The following CHPT1 variants were observed in gnomAD, a reference collection of about 807,000 sequenced individuals.
CHPT1 encodes cholinephosphotransferase 1.
CHPT1 carries 36 observed loss-of-function variants against 47.6 expected under a neutral mutation model. The observed-to-expected ratio is 0.76, with a 90% CI of 0.58 to 1.00. The LOEUF (loss-of-function observed/expected upper bound fraction) is 1.00, where lower values mean the gene tolerates loss of function less well. Among genes scored for constraint, CHPT1 ranks in the 50% least tolerant of loss-of-function variants. The pLI, the probability that CHPT1 is intolerant of heterozygous loss-of-function variation, is 0.00. For missense variants in CHPT1, 458 were observed against 498.1 expected (o/e 0.92, Z 0.77); for synonymous variants, 194 against 186.3 (o/e 1.04, Z -0.33).
At chr12:101,720,093 CTTAA>C (rs745362952) in intron 4 of CHPT1, 26 bp from the exon 5 acceptor site, 27 of 1,529,562 alleles carry the variant, frequency 1.8e-5, no homozygotes, top group Middle Eastern at 2.1e-4. Flanking sequence ...ATTCTGTTGT[CTTAA>C]TTGTTTCTTT....
chr12:101,727,244 T>C (rs888020505), intron 8 of CHPT1: 2 of 152,168 alleles, frequency 1.3e-5, no homozygotes, highest in African/African-American at 4.8e-5. Context: ...AAAGTTTACT[T>C]TAAGTACACA....
At chr12:101,715,288 T>C (rs1951748428) in intron 3 of CHPT1, among the ~76,000 whole-genome samples, 2 of 152,168 alleles carry the variant, frequency 1.3e-5, no homozygotes, top group African/African-American at 2.4e-5. Flanking sequence ...AACTTTGTCA[T>C]TTGCTCATTT....
chr12:101,716,793 C>T lies in CHPT1; in HGVS notation c.629C>T (p.Ala210Val), dbSNP rs369936908. Residue 210 changes from alanine (A) to valine (V), a missense_variant, in exon 4 of 9, where the codon GCA becomes GTA. Physicochemically the swap from Ala to Val is moderately conservative, Grantham distance 64 (BLOSUM62 0). Coordinates refer to ENST00000229266, the MANE Select transcript of CHPT1 (RefSeq NM_020244.3). ...TTTGTGTTGTCTGCATTTGGAGGAG[C>T]AACAATGTGGGACTATACGGTAAAT... is the stretch of plus-strand genomic sequence containing the variant. Reference protein sequence around the residue: ...IVFVLSAFGGATMWDYTIPIL... With the variant: ...IVFVLSAFGGVTMWDYTIPIL... 2 of 1,603,682 alleles carry T rather than the reference C, an allele frequency of 1.2e-6. No homozygotes were observed. Among genetic ancestry groups the T allele is most frequent in the African/African-American group, 1.3e-5 (1 of 74,776 alleles).
intron 8 of CHPT1, chr12:101,727,342 C>CTAA (rs1951979922): frequency 6.6e-6 from 1 of 152,092 alleles, no homozygotes; most frequent in East Asian, 1.9e-4. Context: ...TCTTTCCACT[C>CTAA]TAATTGAAAT....
chr12:101,714,101 G>T lies in CHPT1; in HGVS notation c.285G>T (p.Trp95Cys), dbSNP rs754155885. The T allele has an allele frequency of 1.2e-6, 2 of 1,604,278 alleles. No individual in the cohort carries two copies. The highest frequency in any genetic ancestry group is 1.7e-6 in the Non-Finnish European group (2 of 1,173,058). Reference protein sequence around the residue: ...CPTATEEAPYWTYLLCALGLF... With the variant: ...CPTATEEAPYCTYLLCALGLF... ...TACATTTTTTATAGGCACCATACTG[G>T]ACATACCTTTTATGTGCACTGGGAC... The change falls in exon 2 of 9, where the codon TGG (tryptophan) becomes TGT (cysteine). Residue 95 changes from tryptophan (W) to cysteine (C), a missense_variant. Physicochemically the swap from Trp to Cys is radical, Grantham distance 215. Coordinates refer to ENST00000229266, the MANE Select transcript of CHPT1 (RefSeq NM_020244.3).
At chr12:101,713,198 G>A (rs1343158107) in intron 1 of CHPT1, among the ~76,000 whole-genome samples, 1 of 139,482 alleles carries the variant, frequency 7.2e-6, no homozygotes, top group East Asian at 2.1e-4. Flanking sequence ...TTTCTGCTTT[G>A]CCTGGTGGGA....
intron 6 of CHPT1, 116 bp from the exon 7 acceptor site, chr12:101,723,606 A>T: frequency 1.4e-6 from 1 of 697,740 alleles, no homozygotes; most frequent in Non-Finnish European, 2.2e-6. Context: ...AGTATTCTTA[A>T]ATGTGAGATT....
chr12:101,725,034 C>A (rs947703829), intron 7 of CHPT1, among the ~76,000 whole-genome samples: 13 of 152,006 alleles, frequency 8.6e-5, no homozygotes, highest in Non-Finnish European at 1.3e-4. Flanking sequence ...CAAAACAAAA[C>A]CCCCCAAAAC....
At chr12:101,700,492 G>T (rs746885731) in intron 1 of CHPT1, among the ~76,000 whole-genome samples, 3 of 152,152 alleles carry the variant, frequency 2.0e-5, no homozygotes, top group Non-Finnish European at 2.9e-5. Flanking sequence ...GAGGGGAAAC[G>T]CCATTACAGG....
intron 1 of CHPT1, among the ~76,000 whole-genome samples, chr12:101,707,199 T>G (rs868518183): frequency 6.6e-6 from 1 of 152,142 alleles, no homozygotes; most frequent in Non-Finnish European, 1.5e-5. Context: ...AGGGGGCATA[T>G]GAGTGCTTTG....
intron 4 of CHPT1, chr12:101,717,295 G>C (rs774617103): frequency 2.2e-6 from 1 of 454,888 alleles, no homozygotes; most frequent in African/African-American, 2.0e-5. Flanking sequence ...GACCTCAGTA[G>C]TTTCATAAAA....
chr12:101,726,729 A>T (rs1245333934), intron 8 of CHPT1: 1 of 359,132 alleles, frequency 2.8e-6, no homozygotes, highest in African/African-American at 2.1e-5. Flanking sequence ...CTTATCAGAC[A>T]CAGGGTTTTC....
At chr12:101,716,914 A>AT (rs5800483) in intron 4 of CHPT1, 102 bp downstream of exon 4, 7,357 of 548,472 alleles carry the variant, frequency 0.013, no homozygotes, top group East Asian at 0.017. Context: ...ATTGTATTTA[A>AT]TTTTTTTTTT....
intron 1 of CHPT1, among the ~76,000 whole-genome samples, chr12:101,700,667 A>C (rs1349126589): frequency 6.6e-6 from 1 of 152,256 alleles, no homozygotes; most frequent in Non-Finnish European, 1.5e-5. Context: ...GTTTTACATA[A>C]TACAAATATG....
chr12:101,720,209 T>C lies in CHPT1; in HGVS notation c.735T>C (p.His245=), dbSNP rs1222867454. ...GVIFSCSNYF[H]VILHGGVGKN... is the part of the protein sequence containing the mutation. The stretch of plus-strand genomic sequence containing the variant: ...TATTTTCCTGTTCAAATTATTTCCA[T>C]GTTATCCTCCATGGTGGTGTTGGCA... The change falls in exon 5 of 9, where the codon CAT becomes CAC. Residue 245 remains histidine (H), a synonymous_variant. Coordinates refer to ENST00000229266, the MANE Select transcript of CHPT1 (RefSeq NM_020244.3). 6.2e-7 allele frequency: 1 copy of C among 1,605,858 alleles called. No homozygotes were observed. The highest frequency in any genetic ancestry group is 1.7e-5 in the Admixed American group (1 of 58,820).
Position 101,718,963 on chromosome 12 carries a change from C to T in CHPT1, c.649-1160C>T, listed in dbSNP as rs191095536. On this transcript the variant is annotated intron_variant, in intron 4 of 8. Transcript: ENST00000229266. ...CCTGAGGTCAAGAGTTAAAGACCAG[C>T]CTGGCCAACATGGCAAAACCCTGTC... 1.4e-4 allele frequency among the ~76,000 whole-genome samples: 21 copies of T among 151,926 alleles called. 1 individual carries two copies. The East Asian group carries it at 2.7e-3, about 20-fold the overall frequency.
intron 8 of CHPT1, chr12:101,727,943 G>C (rs188452124): frequency 2.0e-5 from 3 of 152,128 alleles, no homozygotes; most frequent in South Asian, 4.2e-4. Flanking sequence ...GCAAAAATTA[G>C]AATTTAAAAC....
In CHPT1 at chr12:101,725,419, C is replaced by A. The variant is rs538618935; in HGVS notation, c.1066-875C>A. ...GTTTAAAAAATAGGGGATAATTAATCAAAATATCTAAAAACTCAATGTAAG... is the reference window on the plus strand; with the variant it reads ...GTTTAAAAAATAGGGGATAATTAATAAAAATATCTAAAAACTCAATGTAAG... On this transcript the variant is annotated intron_variant, in intron 7 of 8. Transcript: ENST00000229266. Among the ~76,000 whole-genome samples, 4 of 151,846 alleles carry A rather than the reference C, an allele frequency of 2.6e-5. No homozygotes were observed. In the South Asian group the frequency reaches 8.3e-4, roughly 32 times the overall value.
chr12:101,713,998 G>C (rs1951729855), intron 1 of CHPT1, 92 bp from the exon 2 acceptor site: 1 of 703,306 alleles, frequency 1.4e-6, no homozygotes, highest in Non-Finnish European at 2.3e-6. Context: ...TATAACACAC[G>C]GGGTGCTACA....
Sources: gnomAD v4.1 joint callset for allele counts (sites outside exome capture counted in the v4.1 genomes callset) on GRCh38, gnomAD v4.1.1 for gene constraint, MANE v1.5 for transcripts, NCBI Gene and HGNC (gene_info 2026-07-23, HGNC 2026-07-21) for gene names.